SYN3: variants seen among roughly 807,000 people sequenced by gnomAD.
SYN3 encodes the protein synapsin III.
SYN3 carries 35 observed loss-of-function variants against 65.8 expected under a neutral mutation model. The observed-to-expected ratio is 0.53, with a 90% confidence interval of 0.41 to 0.70. The LOEUF (loss-of-function observed/expected upper bound fraction) is 0.70. Among genes scored for constraint, SYN3 ranks in the 30% least tolerant of loss-of-function variants. The pLI, the probability that SYN3 is intolerant of heterozygous loss-of-function variation, is 0.00. For missense variants in SYN3, 680 were observed against 749.0 expected (o/e 0.91, Z 1.08); for synonymous variants, 270 against 292.9 (o/e 0.92, Z 0.80).
At chr22:32,823,932 G>A (rs1423216917) in intron 6 of SYN3, among the ~76,000 whole-genome samples, 1 of 152,114 alleles carries the variant, frequency 6.6e-6, no homozygotes, top group Non-Finnish European at 1.5e-5. Context: ...GTCATGGAGT[G>A]ACATCTTATG....
chr22:32,828,866 G>C lies in SYN3; in HGVS notation c.711+36049C>G, dbSNP rs566888307. Among the ~76,000 whole-genome samples the C allele has an allele frequency of 2.9e-4, 44 of 152,258 alleles. 1 individual carries two copies. Among genetic ancestry groups the C allele is most frequent in the South Asian group, 2.5e-3 (12 of 4,818 alleles). On this transcript the variant is annotated intron_variant, in intron 6 of 13. Transcript: ENST00000358763. ...CTGAAGAGTATATCAGCCAAGCTTG[G>C]GGGAGACAGTCACATAAGGAAATTC...
At chr22:32,795,146 G>T (rs1325306777) in intron 6 of SYN3, among the ~76,000 whole-genome samples, 1 of 152,186 alleles carries the variant, frequency 6.6e-6, no homozygotes, top group Non-Finnish European at 1.5e-5. Flanking sequence ...ACTTTGTTCA[G>T]AAAGCCACGG....
At chr22:32,836,888 G>A (rs556810217) in intron 6 of SYN3, among the ~76,000 whole-genome samples, 2 of 152,330 alleles carry the variant, frequency 1.3e-5, no homozygotes, top group African/African-American at 4.8e-5. Context: ...CATAGACAGA[G>A]CAGCCATTGG....
intron 2 of SYN3, among the ~76,000 whole-genome samples, chr22:32,983,935 G>A (rs1353055302): frequency 1.3e-5 from 2 of 152,058 alleles, no homozygotes; most frequent in Admixed American, 6.5e-5. Context: ...TGAGGCAGGC[G>A]GATCACGAGG....
At chr22:32,560,708 C>T (rs2058574477) in intron 7 of SYN3, among the ~76,000 whole-genome samples, 1 of 152,096 alleles carries the variant, frequency 6.6e-6, no homozygotes, top group South Asian at 2.1e-4. Flanking sequence ...GTTTTTACTG[C>T]AAATGGCATG....
chr22:32,996,048 C>T (rs2052870924), intron 2 of SYN3, among the ~76,000 whole-genome samples: 1 of 152,132 alleles, frequency 6.6e-6, no homozygotes, highest in East Asian at 1.9e-4. Flanking sequence ...GTATCAGGTA[C>T]TCTCCCTGAA....
intron 6 of SYN3, among the ~76,000 whole-genome samples, chr22:32,789,017 G>C (rs2046258805): frequency 6.6e-6 from 1 of 152,172 alleles, no homozygotes; most frequent in South Asian, 2.1e-4. Flanking sequence ...GCCAGGCCAA[G>C]GGGCGGCCAG....
chr22:32,856,648 C>T (rs2048376150), intron 6 of SYN3, among the ~76,000 whole-genome samples: 1 of 152,142 alleles, frequency 6.6e-6, no homozygotes, highest in South Asian at 2.1e-4. Context: ...AAACATTTAT[C>T]GTTTCTTCAT....
At chr22:33,039,480 A>T (rs1196236060) in intron 1 of SYN3, among the ~76,000 whole-genome samples, 1 of 149,256 alleles carries the variant, frequency 6.7e-6, no homozygotes, top group Admixed American at 6.7e-5. Flanking sequence ...GGTTCAAGCG[A>T]TTCTCCTGCA....
rs536491773 is a variant in SYN3, at chr22:33,009,833, C to CTA, written c.-162-3010_-162-3009insTA. ...AATATAAATATAATATATATAAAGT[C>CTA]TTATATATATCTGCAGATGTTTTGA... On this transcript the variant is annotated intron_variant, in intron 1 of 13. Transcript: ENST00000358763. Among the ~76,000 whole-genome samples the CTA allele has an allele frequency of 5.8e-3, 874 of 149,696 alleles. 7 individuals carry two copies. The highest frequency in any genetic ancestry group is 0.029 in the South Asian group (135 of 4,722).
chr22:33,016,672 T>C (rs1309805084), intron 1 of SYN3, among the ~76,000 whole-genome samples: 1 of 152,218 alleles, frequency 6.6e-6, no homozygotes, highest in Non-Finnish European at 1.5e-5. Flanking sequence ...AGCATTTTTT[T>C]CATATATCTG....
intron 4 of SYN3, among the ~76,000 whole-genome samples, chr22:32,902,422 T>A (rs117687917): frequency 0.018 from 2,773 of 152,298 alleles, 38 homozygotes; most frequent in Middle Eastern, 0.054. Flanking sequence ...ACATGGGTAT[T>A]CCAGGCAAGA....
intron 6 of SYN3, among the ~76,000 whole-genome samples, chr22:32,847,493 A>T (rs1203607507): frequency 5.3e-5 from 8 of 152,216 alleles, no homozygotes; most frequent in Non-Finnish European, 1.5e-5. Flanking sequence ...GGGGCCATTG[A>T]TTCATCTGAA....
At chr22:32,885,842 T>G (rs576899816) in intron 4 of SYN3, among the ~76,000 whole-genome samples, 15 of 152,300 alleles carry the variant, frequency 9.8e-5, no homozygotes, top group African/African-American at 3.6e-4. Flanking sequence ...ATTACAGGCA[T>G]GAGCCACTGC....
chr22:32,613,885 C>T (rs1029411940), intron 6 of SYN3, among the ~76,000 whole-genome samples: 1 of 152,142 alleles, frequency 6.6e-6, no homozygotes, highest in Non-Finnish European at 1.5e-5. Flanking sequence ...TTCCTTCCAC[C>T]TACGGAAGAG....
chr22:32,584,698 T>C (rs1173091009), intron 7 of SYN3, among the ~76,000 whole-genome samples: 2 of 152,176 alleles, frequency 1.3e-5, no homozygotes, highest in African/African-American at 2.4e-5. Flanking sequence ...ATGGGGCTTA[T>C]AGATGGTGTA....
intron 6 of SYN3, among the ~76,000 whole-genome samples, chr22:32,642,300 T>C (rs934941267): frequency 1.9e-4 from 29 of 151,480 alleles, no homozygotes; most frequent in African/African-American, 6.8e-4. Context: ...AAAAAAATAA[T>C]AATAATAAAG....
chr22:32,611,417 C>G (rs918923617), intron 6 of SYN3, among the ~76,000 whole-genome samples: 1 of 151,730 alleles, frequency 6.6e-6, no homozygotes, highest in Non-Finnish European at 1.5e-5. Context: ...CCTCAGTCCC[C>G]CGAGTAGCTG....
rs572196211 is a variant in SYN3, at chr22:32,729,235, A to G, written c.712-132499T>C. On this transcript the variant is annotated intron_variant, in intron 6 of 13. Transcript: ENST00000358763. The stretch of plus-strand genomic sequence containing the variant: ...CTCTTTCCGGGCTTGAGAGCAGTGC[A>G]TGGCACAAAGCAGATCCTCAATAAA... Among the ~76,000 whole-genome samples the G allele has an allele frequency of 7.9e-5, 12 of 152,346 alleles. No homozygotes were observed. The South Asian group carries it at 2.1e-3, about 26-fold the overall frequency.
Sources: gnomAD v4.1 joint callset for allele counts (sites outside exome capture counted in the v4.1 genomes callset) on GRCh38, gnomAD v4.1.1 for gene constraint, MANE v1.5 for transcripts, NCBI Gene and HGNC (gene_info 2026-07-23, HGNC 2026-07-21) for gene names.